Variants in MAST4 observed in about 807,000 individuals in gnomAD.
The protein encoded by MAST4 is microtubule-associated serine/threonine-protein kinase 4.
In MAST4, 89 loss-of-function variants were observed where a neutral mutation model predicts 162.7. The ratio of observed to expected loss-of-function variants is 0.55; its 90% CI spans 0.46 to 0.65. The LOEUF (loss-of-function observed/expected upper bound fraction) is 0.65. Ranked by LOEUF, MAST4 falls within the 30% of genes least tolerant of loss-of-function variation. The pLI, the probability that MAST4 is intolerant of heterozygous loss-of-function variation, is 0.00. For synonymous variants in MAST4, 1,479 were observed against 1,361.1 expected (o/e 1.09, Z -1.91); for missense variants, 3,153 against 3,374.0 (o/e 0.93, Z 1.62).
intron 1 of MAST4, among the ~76,000 whole-genome samples, chr5:66,688,253 C>T (rs1406047999): frequency 6.6e-6 from 1 of 152,298 alleles, no homozygotes; most frequent in African/African-American, 2.4e-5. Flanking sequence ...TTGGTGTCAA[C>T]TGGGCACATC....
At chr5:66,992,822 A>G (rs559821443) in intron 4 of MAST4, among the ~76,000 whole-genome samples, 2 of 152,284 alleles carry the variant, frequency 1.3e-5, no homozygotes, top group African/African-American at 4.8e-5. Context: ...GTAAGCTGAC[A>G]TTTGTGAGCC....
At chr5:66,633,511 T>C (rs895459818) in intron 1 of MAST4, among the ~76,000 whole-genome samples, 13 of 152,184 alleles carry the variant, frequency 8.5e-5, no homozygotes, top group African/African-American at 2.4e-4. Context: ...TAAAAATATT[T>C]TATCACCATG....
At chr5:66,859,255 C>T (rs2010928926) in intron 3 of MAST4, among the ~76,000 whole-genome samples, 1 of 152,096 alleles carries the variant, frequency 6.6e-6, no homozygotes, top group Non-Finnish European at 1.5e-5. Flanking sequence ...TCTAATCTTC[C>T]TTTCTGTGAT....
intron 4 of MAST4, among the ~76,000 whole-genome samples, chr5:66,954,672 G>A (rs533431556): frequency 6.6e-5 from 10 of 152,252 alleles, no homozygotes; most frequent in African/African-American, 2.4e-4. Flanking sequence ...AGGCTGAGGC[G>A]GGAGGATCAC....
intron 4 of MAST4, among the ~76,000 whole-genome samples, chr5:66,940,933 C>G (rs1743294961): frequency 1.3e-5 from 2 of 152,134 alleles, no homozygotes; most frequent in Non-Finnish European, 2.9e-5. Context: ...GGCATGAAAA[C>G]AATATCAATT....
intron 3 of MAST4, among the ~76,000 whole-genome samples, chr5:66,820,848 A>G (rs571465358): frequency 1.3e-5 from 2 of 152,316 alleles, no homozygotes; most frequent in African/African-American, 4.8e-5. Context: ...TCATATTGTC[A>G]GTAGTGATTT....
rs534801803 is a variant in MAST4 at position 66,673,563 on chromosome 5, G to A, written c.363+76545G>A. 4.9e-5 allele frequency among the ~76,000 whole-genome samples: 6 copies of A among 121,890 alleles called. No homozygotes were observed. The South Asian group carries it at 1.6e-3, about 33-fold the overall frequency. 80.0% of individuals were successfully genotyped at this position (121,890 alleles called of 152,430 possible). On this transcript the variant is annotated intron_variant, in intron 1 of 28. Transcript: ENST00000403625. ...TTTTTTTGAGACAGAGTCTTGCTCT[G>A]TCACCCAGTCTGGAGTGACGTGGCG...
chr5:66,922,713 T>A (rs1049020889), intron 4 of MAST4, among the ~76,000 whole-genome samples: 7 of 152,102 alleles, frequency 4.6e-5, no homozygotes, highest in Non-Finnish European at 1.0e-4. Flanking sequence ...AGTGAAGCTG[T>A]CAAAGTAATG....
chr5:67,100,224 T>C (rs1764881012), intron 7 of MAST4, among the ~76,000 whole-genome samples: 1 of 152,180 alleles, frequency 6.6e-6, no homozygotes, highest in South Asian at 2.1e-4. Flanking sequence ...TTTGGGAAAT[T>C]ATAAACAAAT....
chr5:66,671,822 A>G (rs1196610318), intron 1 of MAST4, among the ~76,000 whole-genome samples: 1 of 152,182 alleles, frequency 6.6e-6, no homozygotes, highest in East Asian at 1.9e-4. Context: ...AATAAAACCA[A>G]CTAATTCACT....
chr5:66,948,490 C>T (rs912153696), intron 4 of MAST4, among the ~76,000 whole-genome samples: 8 of 152,086 alleles, frequency 5.3e-5, no homozygotes, highest in East Asian at 1.9e-4. Context: ...TCCCCCTCCT[C>T]GCCAAGCTTA....
chr5:67,075,163 T>TG (rs1177774674), intron 5 of MAST4, among the ~76,000 whole-genome samples: 4 of 130,366 alleles, frequency 3.1e-5, no homozygotes, highest in African/African-American at 1.1e-4. Context: ...TGGAATGAGT[T>TG]TTTTTTTTTT....
intron 4 of MAST4, among the ~76,000 whole-genome samples, chr5:67,019,666 T>C (rs1753733161): frequency 6.6e-6 from 1 of 152,368 alleles, no homozygotes; most frequent in East Asian, 1.9e-4. Context: ...TTGTAAGTGA[T>C]ACTTTCTGCT....
At chr5:66,946,849 G>C (rs1189050785) in intron 4 of MAST4, among the ~76,000 whole-genome samples, 1 of 152,140 alleles carries the variant, frequency 6.6e-6, no homozygotes, top group African/African-American at 2.4e-5. Flanking sequence ...AAAGCACATA[G>C]TAACTTTTAA....
intron 4 of MAST4, among the ~76,000 whole-genome samples, chr5:66,968,746 T>C (rs1747056046): frequency 6.6e-6 from 1 of 152,224 alleles, no homozygotes; most frequent in Non-Finnish European, 1.5e-5. Context: ...TATTTTTTAT[T>C]CTTCTATAAA....
chr5:66,863,666 G>T (rs368003783), intron 3 of MAST4, among the ~76,000 whole-genome samples: 1 of 152,048 alleles, frequency 6.6e-6, no homozygotes, highest in Non-Finnish European at 1.5e-5. Flanking sequence ...CTGGTGTCTG[G>T]TTGGGTTCAG....
intron 5 of MAST4, among the ~76,000 whole-genome samples, chr5:67,067,305 G>A (rs1340266298): frequency 6.6e-6 from 1 of 152,156 alleles, no homozygotes; most frequent in Non-Finnish European, 1.5e-5. Context: ...TCTACTTTGG[G>A]CAGTTCACTC....
At chr5:66,610,805 C>T (rs1743241104) in intron 1 of MAST4, among the ~76,000 whole-genome samples, 2 of 152,246 alleles carry the variant, frequency 1.3e-5, no homozygotes, top group South Asian at 4.1e-4. Flanking sequence ...TCACTCCCAG[C>T]CACGTTGTGG....
chr5:66,639,313 T>TGTGTGTGTGTGTGTGTGTGTGTG (rs1554037879), intron 1 of MAST4, among the ~76,000 whole-genome samples: 2 of 151,114 alleles, frequency 1.3e-5, no homozygotes, highest in South Asian at 2.1e-4. Flanking sequence ...TGTGTGTGTG[T>TGTGTGTGTGTGTGTGTGTGTGTG]TTTAAGAAGA....
Sources: allele counts gnomAD v4.1 joint callset (sites outside exome capture counted in the v4.1 genomes callset), GRCh38; gene constraint gnomAD v4.1.1; transcripts MANE v1.5; gene names NCBI Gene and HGNC (gene_info 2026-07-23, HGNC 2026-07-21).